PCDHGA6: variants seen among roughly 807,000 people sequenced by gnomAD.
The protein encoded by PCDHGA6 is protocadherin gamma subfamily A, 6, also known as protocadherin gamma-A6.
Under a neutral mutation model 60.6 loss-of-function variants are expected in PCDHGA6, and 41 were observed. That is an observed-to-expected ratio of 0.68 (90% CI 0.53 to 0.88). The LOEUF (loss-of-function observed/expected upper bound fraction) is 0.88, where lower values mean the gene tolerates loss of function less well. Among genes scored for constraint, PCDHGA6 ranks in the 40% least tolerant of loss-of-function variants. The pLI, the probability that PCDHGA6 is intolerant of heterozygous loss-of-function variation, is 0.00. For synonymous variants in PCDHGA6, 594 were observed against 524.4 expected (o/e 1.13, Z -1.81); for missense variants, 1,312 against 1,203.0 (o/e 1.09, Z -1.34).
rs1588742531 is a variant in PCDHGA6, at chr5:141,374,502, T to C, written c.419T>C (p.Val140Ala). The change falls in exon 1 of 4, where the codon GTG becomes GCG. Residue 140 changes from valine to alanine, a missense_variant. Coordinates refer to ENST00000517434, the MANE Select transcript of PCDHGA6 (RefSeq NM_018919.3). The part of the protein sequence containing the change: ...TPRFLKEELE[V>A]KILENAAPSS... ...CGATTCTTAAAGGAAGAATTGGAAG[T>C]GAAAATTCTCGAAAACGCAGCTCCA... is the stretch of plus-strand genomic sequence containing the variant. 1 of 1,611,402 alleles carries C rather than the reference T, an allele frequency of 6.2e-7. No homozygotes were observed. Among genetic ancestry groups the C allele is most frequent in the East Asian group, 2.2e-5 (1 of 44,750 alleles).
chr5:141,413,033 T>G, intron 1 of PCDHGA6: 1 of 776,760 alleles, frequency 1.3e-6, no homozygotes, highest in Non-Finnish European at 2.0e-6. Context: ...ACAAACCGGC[T>G]GCTGGGCTGC....
At chr5:141,408,527 G>A in intron 1 of PCDHGA6, 1 of 1,614,072 alleles carries the variant, frequency 6.2e-7, no homozygotes, top group South Asian at 1.1e-5. Flanking sequence ...ATTGGAAGCT[G>A]TGGTGGAAAA....
Position 141,489,273 on chromosome 5 carries a change from G to GA in PCDHGA6, c.2425-5531dup. The GA allele has an allele frequency of 6.4e-7, 1 of 1,555,870 alleles. No individual in the cohort carries two copies. The highest frequency in any genetic ancestry group is 2.2e-5 in the East Asian group (1 of 44,466). On this transcript the variant is annotated intron_variant, in intron 1 of 3. Coordinates refer to ENST00000517434, the MANE Select transcript of PCDHGA6 (RefSeq NM_018919.3). The surrounding 1 kb of genome is among the most constrained non-coding windows in gnomAD (Gnocchi z 4.5). ...CCAAGACACTCCCACAGCTCGCTGG[G>GA]AAATGGCAAGTGCTGTGCATGTTGT...
chr5:141,500,839 G>A (rs2099802871), intron 2 of PCDHGA6, among the ~76,000 whole-genome samples: 1 of 151,906 alleles, frequency 6.6e-6, no homozygotes, highest in African/African-American at 2.4e-5. Flanking sequence ...ATGCTAATGG[G>A]CTTTTGCTAC....
intron 1 of PCDHGA6, chr5:141,396,067 T>C (rs924469652): frequency 6.6e-6 from 1 of 152,222 alleles, no homozygotes; most frequent in African/African-American, 2.4e-5. Context: ...GCTGTTTCGG[T>C]TGTGCATTGA....
At chr5:141,423,826 A>G (rs1324911075) in intron 1 of PCDHGA6, 21 of 1,275,178 alleles carry the variant, frequency 1.6e-5, no homozygotes, top group Middle Eastern at 2.2e-4. Flanking sequence ...TTTGCCTTTC[A>G]TGAGATTACG....
intron 1 of PCDHGA6, among the ~76,000 whole-genome samples, chr5:141,473,775 T>A (rs1219791398): frequency 6.6e-6 from 1 of 152,190 alleles, no homozygotes; most frequent in African/African-American, 2.4e-5. Flanking sequence ...ATTTGGTATT[T>A]TAATTCAAGA....
At chr5:141,439,739 G>A (rs867225156) in intron 1 of PCDHGA6, 4 of 152,312 alleles carry the variant, frequency 2.6e-5, no homozygotes, top group Non-Finnish European at 5.9e-5. Flanking sequence ...GGAACGGAAC[G>A]GATTTACAGG....
chr5:141,414,375 G>C, intron 1 of PCDHGA6: 1 of 1,613,854 alleles, frequency 6.2e-7, no homozygotes, highest in Non-Finnish European at 8.5e-7. Flanking sequence ...AATTAGAAAA[G>C]TCCATTGACA....
At position 141,485,833 on chromosome 5, in the gene PCDHGA6, G is replaced by A. The variant is rs780944737; in HGVS notation, c.2425-8974G>A. 64 of 1,613,904 alleles carry A rather than the reference G, an allele frequency of 4.0e-5. No homozygotes were observed. Among genetic ancestry groups the A allele is most frequent in the Non-Finnish European group, 2.5e-6 (3 of 1,180,004 alleles). On this transcript the variant is annotated intron_variant, in intron 1 of 3. Coordinates refer to ENST00000517434, the MANE Select transcript of PCDHGA6 (RefSeq NM_018919.3). This position sits in a 1 kb window ranked among gnomAD's most constrained non-coding sequence, Gnocchi z 5.7. Reference sequence around the variant, plus strand: ...TGACTGCTGTCGATGGAGGGAACCCGCCGAGATCTGGCACCGCAGAGCTCC... The same window carrying A: ...TGACTGCTGTCGATGGAGGGAACCCACCGAGATCTGGCACCGCAGAGCTCC...
At chr5:141,440,221 C>A (rs557068282) in intron 1 of PCDHGA6, 2 of 152,450 alleles carry the variant, frequency 1.3e-5, no homozygotes, top group Admixed American at 6.5e-5. Context: ...GTAATCCCAG[C>A]ACTTTGGGAG....
chr5:141,414,124 G>C, intron 1 of PCDHGA6: 1 of 1,592,872 alleles, frequency 6.3e-7, no homozygotes, highest in Non-Finnish European at 8.6e-7. Context: ...TGAAGAAACC[G>C]GTTTCTATGA....
intron 1 of PCDHGA6, among the ~76,000 whole-genome samples, chr5:141,438,623 TATATATATATATACACACAC>T (rs1272037524): frequency 7.0e-5 from 3 of 42,840 alleles, no homozygotes; most frequent in African/African-American, 1.6e-4. Flanking sequence ...TATATATATA[TATATATATATATACACACAC>T]ACACACACAT....
rs2099405848 is a variant in PCDHGA6 at position 141,477,120 on chromosome 5, A to G, written c.2425-17687A>G. 2 of 1,614,118 alleles carry G rather than the reference A, an allele frequency of 1.2e-6. No homozygotes were observed. Among genetic ancestry groups the G allele is most frequent in the African/African-American group, 2.7e-5 (2 of 74,942 alleles). On this transcript the variant is annotated intron_variant, in intron 1 of 3. Transcript: ENST00000517434. This position sits in a 1 kb window ranked among gnomAD's most constrained non-coding sequence, Gnocchi z 4.9. ...AAGGGCGCCAATCCCGAAGGAGCAC[A>G]TTGCAAAGTGTTGGTGGAGGTTGTG...
Position 141,455,633 on chromosome 5 carries a change from G to A in PCDHGA6, c.2425-39174G>A, listed in dbSNP as rs1049071525. On this transcript the variant is annotated intron_variant, in intron 1 of 3. Coordinates refer to ENST00000517434, the MANE Select transcript of PCDHGA6 (RefSeq NM_018919.3). ...ATGTTCTAAACACGTGGAGATATGT[G>A]GGGGGCAGCCATGTGGCCAGGAACT... Among the ~76,000 whole-genome samples, 19 of 152,198 alleles carry A rather than the reference G, an allele frequency of 1.2e-4. No homozygotes were observed. In the East Asian group the frequency reaches 3.1e-3, roughly 25 times the overall value.
rs1250096461 is a variant in PCDHGA6 at position 141,485,533 on chromosome 5, G to A, written c.2425-9274G>A. 6.2e-7 allele frequency: 1 copy of A among 1,614,084 alleles called. No homozygotes were observed. Among genetic ancestry groups the A allele is most frequent in the Non-Finnish European group, 8.5e-7 (1 of 1,180,034 alleles). On this transcript the variant is annotated intron_variant, in intron 1 of 3. Coordinates refer to ENST00000517434, the MANE Select transcript of PCDHGA6 (RefSeq NM_018919.3). This position sits in a 1 kb window ranked among gnomAD's most constrained non-coding sequence, Gnocchi z 5.7. ...GTCCTTTGGAAATGTACCGAGCAGA[G>A]GTAGAGATCGTAGATGTGAATGATC...
Position 141,403,721 on chromosome 5 carries a change from C to T in PCDHGA6, c.2424+27214C>T, listed in dbSNP as rs748888364. On this transcript the variant is annotated intron_variant, in intron 1 of 3. Coordinates refer to ENST00000517434, the MANE Select transcript of PCDHGA6 (RefSeq NM_018919.3). ...AGTTAAAGTCCTTGAGAACGTGCCC[C>T]CAGGCACCTGGCTGCTTACTGCAAC... 5 of 1,613,754 alleles carry T rather than the reference C, an allele frequency of 3.1e-6. No individual in the cohort carries two copies. The highest frequency in any genetic ancestry group is 2.2e-5 in the East Asian group (1 of 44,878).
chr5:141,439,625 CCA>C (rs1281773200), intron 1 of PCDHGA6, among the ~76,000 whole-genome samples: 1 of 152,150 alleles, frequency 6.6e-6, no homozygotes, highest in African/African-American at 2.4e-5. Flanking sequence ...GAGCCAATCC[CCA>C]GACATTCCGG....
chr5:141,508,550 G>T (rs1440375100), intron 3 of PCDHGA6, among the ~76,000 whole-genome samples: 3 of 152,138 alleles, frequency 2.0e-5, no homozygotes, highest in Non-Finnish European at 1.5e-5. Flanking sequence ...GGTGGGCGGG[G>T]GATGGCTTTG....
Sources: allele counts gnomAD v4.1 joint callset (sites outside exome capture counted in the v4.1 genomes callset), GRCh38; gene constraint gnomAD v4.1.1; non-coding constraint Gnocchi (gnomAD v3.1); transcripts MANE v1.5; gene names NCBI Gene and HGNC (gene_info 2026-07-23, HGNC 2026-07-21).